FBF1: variants seen among roughly 807,000 people sequenced by gnomAD.
FBF1 encodes the protein Fas binding factor 1.
Under a neutral mutation model 147.2 loss-of-function variants are expected in FBF1, and 119 were observed. That is an observed-to-expected ratio of 0.81 (90% CI 0.70 to 0.94). The LOEUF (loss-of-function observed/expected upper bound fraction) is 0.94. FBF1 is among the 40% of genes least tolerant of loss of function. FBF1 has a pLI of 0.00. For synonymous variants in FBF1, 601 were observed against 609.0 expected, an observed-to-expected ratio of 0.99 and a Z score of 0.19; for missense variants, 1,449 against 1,500.8, an observed-to-expected ratio of 0.97 and a Z score of 0.57.
intron 1 of FBF1, among the ~76,000 whole-genome samples, chr17:75,939,666 G>T (rs1342142469): frequency 6.6e-6 from 1 of 152,122 alleles, no homozygotes; most frequent in Non-Finnish European, 1.5e-5. Context: ...AAAGTGCTGG[G>T]ATTACAGGTG....
intron 1 of FBF1, among the ~76,000 whole-genome samples, chr17:75,939,029 C>T (rs1447359033): frequency 6.6e-6 from 1 of 152,000 alleles, no homozygotes; most frequent in Non-Finnish European, 1.5e-5. Context: ...GGCGCGGTGG[C>T]TCACACCTGT....
intron 2 of FBF1, 129 bp from the exon 3 acceptor site, chr17:75,937,722 G>A (rs1461923441): frequency 1.1e-6 from 1 of 924,872 alleles, no homozygotes; most frequent in African/African-American, 1.6e-5. Context: ...GGCATTTAGA[G>A]ATGTAAGTCC....
intron 6 of FBF1, among the ~76,000 whole-genome samples, chr17:75,930,796 C>A (rs2065589769): frequency 6.6e-6 from 1 of 152,132 alleles, no homozygotes; most frequent in Admixed American, 6.6e-5. Context: ...GTGGTGGGTG[C>A]CTGTAATCCC....
chr17:75,935,483 T>C (rs2065618743), intron 4 of FBF1, 149 bp downstream of exon 4: 5 of 735,796 alleles, frequency 6.8e-6, no homozygotes, highest in Non-Finnish European at 1.1e-5. Flanking sequence ...CCGGGTGTAG[T>C]GGCTTATGCC....
chr17:75,920,570 AAC>A, intron 17 of FBF1, 141 bp from the exon 18 acceptor site: 1 of 880,080 alleles, frequency 1.1e-6, no homozygotes. Flanking sequence ...CTTGGAAAGT[AAC>A]AGTCACTGCG....
chr17:75,939,948 CTTTT>C (rs774054007), intron 1 of FBF1: 1 of 151,960 alleles, frequency 6.6e-6, no homozygotes, highest in Non-Finnish European at 1.5e-5. Flanking sequence ...CATGTGTTTT[CTTTT>C]TTTTCTTTTT....
chr17:75,933,581 G>GT (rs1283971068), intron 4 of FBF1, among the ~76,000 whole-genome samples: 1 of 152,154 alleles, frequency 6.6e-6, no homozygotes, highest in African/African-American at 2.4e-5. Context: ...CTGGGGCCAT[G>GT]TAGGGGAAAC....
rs535166395 is a variant in FBF1, at chr17:75,910,543, G to C, written c.*180C>G. The stretch of plus-strand genomic sequence containing the variant: ...CTACACCACAGAGCCCCAGAGGCAG[G>C]GGCTGCCCCGGGCTGGCACATTTGG... On this transcript the variant is annotated 3_prime_UTR_variant, in exon 30 of 30. Coordinates refer to ENST00000636174, the MANE Select transcript of FBF1 (RefSeq NM_001319193.2). The surrounding 1 kb of genome is among the most constrained non-coding windows in gnomAD (Gnocchi z 4.1). The C allele has an allele frequency of 3.1e-4, 188 of 599,346 alleles. No individual in the cohort carries two copies. The highest frequency in any genetic ancestry group is 4.9e-4 in the Non-Finnish European group (166 of 339,684). 37.1% of individuals were successfully genotyped at this position (599,346 alleles called of 1,614,324 possible).
In FBF1 at chr17:75,921,625, G is replaced by T; in HGVS notation, c.1527-65C>A. On this transcript the variant is annotated intron_variant, in intron 15 of 29. Transcript: ENST00000636174. ...GTGGGACACGGGGACGGGGCAGGGTGGGCAGCCTCTAGGTGGGACATGGGG... is the reference window on the plus strand; with the variant it reads ...GTGGGACACGGGGACGGGGCAGGGTTGGCAGCCTCTAGGTGGGACATGGGG... The T allele has an allele frequency of 3.8e-6, 5 of 1,307,216 alleles. No individual in the cohort carries two copies. In the South Asian group the frequency reaches 6.2e-5, roughly 16 times the overall value. The allele number at this position is 1,307,216 out of a possible 1,614,324, so 81.0% of individuals were successfully genotyped here.
chr17:75,926,011 C>A lies in FBF1; in HGVS notation c.868+19G>T, dbSNP rs766786423. The A allele has an allele frequency of 3.1e-6, 5 of 1,589,716 alleles. No homozygotes were observed. In the South Asian group the frequency reaches 5.6e-5, roughly 18 times the overall value. On this transcript the variant is annotated intron_variant, in intron 12 of 29. Transcript: ENST00000636174. ...AGGCCTCCCTCCCGTCCTGTTGCGGCCCCCGCAAGCCTCCTTACCCTGTGG... is the reference window on the plus strand; with the variant it reads ...AGGCCTCCCTCCCGTCCTGTTGCGGACCCCGCAAGCCTCCTTACCCTGTGG...
At chr17:75,912,137 C>G in intron 29 of FBF1, 55 bp downstream of exon 29, 1 of 1,522,004 alleles carries the variant, frequency 6.6e-7, no homozygotes, top group Non-Finnish European at 8.9e-7. Context: ...CTGCCTCTGC[C>G]CTGAGCTGGA....
chr17:75,940,651 T>C (rs920369243), intron 1 of FBF1, 197 bp downstream of exon 1: 1 of 153,874 alleles, frequency 6.5e-6, no homozygotes, highest in Non-Finnish European at 1.5e-5. Flanking sequence ...CTATCGATCC[T>C]GTACGGGCTT....
chr17:75,921,598 G>T, intron 15 of FBF1, 38 bp from the exon 16 acceptor site: 2 of 1,551,170 alleles, frequency 1.3e-6, no homozygotes, highest in Non-Finnish European at 8.8e-7. Flanking sequence ...AGCAGCCTCT[G>T]TGTGGGACAC....
In FBF1 at chr17:75,927,972, A is replaced by T. The variant is rs996018747; in HGVS notation, c.397+104T>A. The T allele has an allele frequency of 3.3e-6, 3 of 901,990 alleles. 1 individual carries two copies. The highest frequency in any genetic ancestry group is 6.7e-4 in the Middle Eastern group (2 of 2,980). 55.9% of individuals were successfully genotyped at this position (901,990 alleles called of 1,614,324 possible). ...CTCCATCCTGTGCAGAGAAAACCCA[A>T]GGACATGAACGCTTCCTACTAGCAT... On this transcript the variant is annotated intron_variant, in intron 8 of 29. Coordinates refer to ENST00000636174, the MANE Select transcript of FBF1 (RefSeq NM_001319193.2).
rs138839189 is a variant in FBF1, at chr17:75,931,443, T to C, written c.168-154A>G. 8.5e-5 allele frequency among the ~76,000 whole-genome samples: 13 copies of C among 152,344 alleles called. No individual in the cohort carries two copies. In the East Asian group the frequency reaches 2.3e-3, roughly 27 times the overall value. On this transcript the variant is annotated intron_variant, in intron 5 of 29. Transcript: ENST00000636174. ...GAATGTCACAGGCCACCTGATGCAGTGATTTTCAACTTTGTTAGCAGTAGA... is the reference window on the plus strand; with the variant it reads ...GAATGTCACAGGCCACCTGATGCAGCGATTTTCAACTTTGTTAGCAGTAGA...
intron 17 of FBF1, 81 bp downstream of exon 17, chr17:75,921,163 G>T: frequency 1.4e-6 from 2 of 1,427,198 alleles, no homozygotes; most frequent in Non-Finnish European, 9.6e-7. Context: ...CAGGTCGTCA[G>T]GTCAAACTGT....
In FBF1 at chr17:75,913,746, C is replaced by A. The variant is rs775127321; in HGVS notation, c.3203G>T (p.Gly1068Val). Residue 1068 changes from glycine (G) to valine (V), a missense_variant, in exon 28 of 30, where the codon GGT becomes GTT. Coordinates refer to ENST00000636174, the MANE Select transcript of FBF1 (RefSeq NM_001319193.2). The stretch of plus-strand genomic sequence containing the variant: ...AGGGCCCTGGGCCCTGGGGAACAGA[C>A]CCACGAGGCTAGAGGGCAGGTCCTG... The part of the protein sequence containing the change: ...ARQDLPSSLV[G>V]LFPRAQGPAA... 1.1e-5 allele frequency: 18 copies of A among 1,602,604 alleles called. No individual in the cohort carries two copies. The highest frequency in any genetic ancestry group is 1.5e-5 in the Non-Finnish European group (18 of 1,179,398).
At chr17:75,927,434 C>G in intron 9 of FBF1, 21 bp downstream of exon 9, 1 of 1,567,718 alleles carries the variant, frequency 6.4e-7, no homozygotes, top group Non-Finnish European at 8.7e-7. Flanking sequence ...GTCCCAGAGG[C>G]ATGACAGGAG....
rs766378424 is a variant in FBF1 at position 75,913,875 on chromosome 17, GC to G, written c.3129+37del. 3 of 1,556,896 alleles carry G rather than the reference GC, an allele frequency of 1.9e-6. No individual in the cohort carries two copies. The African/African-American group carries it at 4.1e-5, about 21-fold the overall frequency. On this transcript the variant is annotated intron_variant, in intron 27 of 29. Transcript: ENST00000636174. Reference sequence around the variant, plus strand: ...AGCTGTGAGGTGGGAGGCTGGGGGTGCCGGGGGCAGGGGCGCCATACACTCA... The same window carrying G: ...AGCTGTGAGGTGGGAGGCTGGGGGTGCGGGGGCAGGGGCGCCATACACTCA...
Sources: allele counts gnomAD v4.1 joint callset (sites outside exome capture counted in the v4.1 genomes callset), GRCh38; gene constraint gnomAD v4.1.1; non-coding constraint Gnocchi (gnomAD v3.1); transcripts MANE v1.5; gene names NCBI Gene and HGNC (gene_info 2026-07-23, HGNC 2026-07-21).